GRK4: variants seen among roughly 807,000 people sequenced by gnomAD.
GRK4 encodes G protein-coupled receptor kinase 2-like.
Under a neutral mutation model 77.9 loss-of-function variants are expected in GRK4, and 73 were observed. The ratio of observed to expected loss-of-function variants is 0.94; its 90% confidence interval spans 0.78 to 1.14. The LOEUF is 1.14. Ranked by LOEUF, GRK4 falls within the 50% of genes most tolerant of loss-of-function variation. The pLI is 0.00. For synonymous variants in GRK4, 257 were observed against 254.4 expected (o/e 1.01, Z -0.10); for missense variants, 729 against 700.2 (o/e 1.04, Z -0.46).
In GRK4 at chr4:3,028,071, A is replaced by C. The variant is rs148268845; in HGVS notation, c.1060+70A>C. 5.5e-5 allele frequency: 75 copies of C among 1,358,898 alleles called. No homozygotes were observed. The East Asian group carries it at 1.6e-3, about 30-fold the overall frequency. 84.2% of individuals were successfully genotyped at this position (1,358,898 alleles called of 1,614,324 possible). A position where few individuals can be genotyped will look rare whatever the true frequency, so the allele number is the denominator to read the frequency against. ...CCTGAGTGCCTCAGAACACAGAGAA[A>C]TCCACCCTGAATGGACCGGGGCCTC... On this transcript the variant is annotated intron_variant, in intron 11 of 15. Coordinates refer to ENST00000398052, the MANE Select transcript of GRK4 (RefSeq NM_182982.3).
intron 8 of GRK4, among the ~76,000 whole-genome samples, chr4:3,017,352 A>G (rs938686640): frequency 1.2e-4 from 19 of 152,200 alleles, no homozygotes; most frequent in African/African-American, 4.3e-4. Flanking sequence ...GTTTCTTTGC[A>G]TTGGTTCATC....
chr4:3,015,995 G>A (rs1033309321), intron 8 of GRK4, among the ~76,000 whole-genome samples: 3 of 150,918 alleles, frequency 2.0e-5, no homozygotes, highest in South Asian at 4.2e-4. Flanking sequence ...TGCAACATCC[G>A]GCTCCCGGGC....
intron 2 of GRK4, chr4:2,985,737 G>GC (rs934751601): frequency 3.1e-6 from 1 of 325,402 alleles, no homozygotes; most frequent in African/African-American, 2.3e-5. Context: ...GGTGGCTCAC[G>GC]CCCGTAATCC....
chr4:3,019,884 C>T, intron 9 of GRK4, 53 bp downstream of exon 9: 2 of 1,518,232 alleles, frequency 1.3e-6, no homozygotes, highest in East Asian at 2.3e-5. Flanking sequence ...CGGTTTCTCC[C>T]AGCCCTAGGC....
At chr4:2,986,530 A>G (rs1162104914) in intron 2 of GRK4, among the ~76,000 whole-genome samples, 2 of 151,072 alleles carry the variant, frequency 1.3e-5, no homozygotes, top group Non-Finnish European at 2.9e-5. Context: ...TAATTTTTGT[A>G]TTTTTAGTAG....
intron 11 of GRK4, among the ~76,000 whole-genome samples, chr4:3,028,304 C>G (rs1738182929): frequency 6.6e-6 from 1 of 152,186 alleles, no homozygotes; most frequent in African/African-American, 2.4e-5. Flanking sequence ...CAGTGTCCTC[C>G]CCTGTGCACC....
intron 11 of GRK4, among the ~76,000 whole-genome samples, chr4:3,028,961 A>C (rs1036726078): frequency 1.3e-5 from 2 of 152,208 alleles, no homozygotes; most frequent in Admixed American, 6.5e-5. Flanking sequence ...TAGTAGAGAC[A>C]GGGTTTCACC....
chr4:3,025,513 C>G (rs1737238517), intron 10 of GRK4, among the ~76,000 whole-genome samples: 2 of 150,736 alleles, frequency 1.3e-5, no homozygotes, highest in South Asian at 4.2e-4. Context: ...CCTCAGCCTC[C>G]CAAGCAGCTG....
intron 1 of GRK4, among the ~76,000 whole-genome samples, chr4:2,984,048 G>A (rs1723574000): frequency 6.6e-6 from 1 of 152,160 alleles, no homozygotes; most frequent in African/African-American, 2.4e-5. Context: ...CCCTCGACAT[G>A]TGGGTATTAT....
At chr4:3,006,115 C>CA (rs1369206396) in intron 5 of GRK4, among the ~76,000 whole-genome samples, 5 of 152,122 alleles carry the variant, frequency 3.3e-5, no homozygotes, top group Admixed American at 2.6e-4. Flanking sequence ...CATGGTGGCT[C>CA]ACGCCTGTAA....
At chr4:3,015,986 G>A (rs960489351) in intron 8 of GRK4, among the ~76,000 whole-genome samples, 1 of 150,698 alleles carries the variant, frequency 6.6e-6, no homozygotes, top group African/African-American at 2.4e-5. Flanking sequence ...TTGGCTCACT[G>A]CAACATCCGG....
At chr4:3,019,504 T>G (rs1735483312) in intron 8 of GRK4, 137 bp from the exon 9 acceptor site, 1 of 777,306 alleles carries the variant, frequency 1.3e-6, no homozygotes, top group Non-Finnish European at 2.1e-6. Flanking sequence ...GTCCTGTACA[T>G]TTCTCTGAAA....
intron 8 of GRK4, among the ~76,000 whole-genome samples, chr4:3,015,018 C>A (rs1048487858): frequency 6.6e-6 from 1 of 152,116 alleles, no homozygotes; most frequent in Non-Finnish European, 1.5e-5. Context: ...GGAAGTTTAC[C>A]GCTAGGCCCT....
intron 4 of GRK4, 119 bp downstream of exon 4, chr4:2,992,411 G>A (rs2109682360): frequency 1.6e-6 from 1 of 615,944 alleles, no homozygotes; most frequent in South Asian, 1.7e-5. Context: ...TGGGTGTGAT[G>A]CCTGACGCCT....
chr4:2,970,406 T>C (rs779520165), intron 1 of GRK4, among the ~76,000 whole-genome samples: 18 of 152,114 alleles, frequency 1.2e-4, no homozygotes, highest in Non-Finnish European at 2.1e-4. Context: ...ATGCCTGTAA[T>C]CCCAGCACTT....
intron 6 of GRK4, 65 bp from the exon 7 acceptor site, chr4:3,009,582 TA>T: frequency 8.0e-7 from 1 of 1,247,738 alleles, no homozygotes; most frequent in Non-Finnish European, 1.2e-6. Flanking sequence ...AAGCGCTGAG[TA>T]AACTTTTCTT....
intron 8 of GRK4, among the ~76,000 whole-genome samples, chr4:3,017,130 A>T (rs754020137): frequency 4.5e-4 from 68 of 152,236 alleles, no homozygotes; most frequent in Non-Finnish European, 8.2e-4. Flanking sequence ...CACTTTCCTG[A>T]TTAAAAACTC....
At chr4:3,013,215 T>C (rs1160821567) in intron 7 of GRK4, among the ~76,000 whole-genome samples, 1 of 151,744 alleles carries the variant, frequency 6.6e-6, no homozygotes, top group African/African-American at 2.4e-5. Flanking sequence ...AGTTAATTTT[T>C]TTGTTTTTTT....
At chr4:3,014,319 C>G (rs113253553) in intron 8 of GRK4, among the ~76,000 whole-genome samples, 1 of 125,692 alleles carries the variant, frequency 8.0e-6, no homozygotes, top group African/African-American at 3.2e-5. Flanking sequence ...TTTTTTGACA[C>G]AGGGTTTCGC....
Sources: allele counts gnomAD v4.1 joint callset (sites outside exome capture counted in the v4.1 genomes callset), GRCh38; gene constraint gnomAD v4.1.1; transcripts MANE v1.5; gene names NCBI Gene and HGNC (gene_info 2026-07-23, HGNC 2026-07-21).